TRPV3: variants seen among roughly 807,000 people sequenced by gnomAD.
TRPV3 encodes VRL-3.
In TRPV3, 88 loss-of-function variants were observed where a neutral mutation model predicts 87.1. That is an observed-to-expected ratio of 1.01 (90% CI 0.85 to 1.21). The LOEUF is 1.21. Among genes scored for constraint, TRPV3 ranks in the 50% most tolerant of loss-of-function variants. The pLI is 0.00. For missense variants in TRPV3, 1,054 were observed against 1,030.1 expected (o/e 1.02, Z -0.32); for synonymous variants, 438 against 423.3 (o/e 1.03, Z -0.43).
chr17:3,530,304 C>CCAGAGGTCT lies in TRPV3; in HGVS notation c.1066-102_1066-101insAGACCTCTG. On this transcript the variant is annotated intron_variant, in intron 8 of 17. Coordinates refer to ENST00000576742, the MANE Select transcript of TRPV3 (RefSeq NM_145068.4). The surrounding 1 kb of genome is among the most constrained non-coding windows in gnomAD (Gnocchi z 4.0). Reference sequence around the variant, plus strand: ...TGGCTGGGCCCAGGGGATACACCCGCCCAGAATGGGTGGAGACCTGCCTCT... The same window carrying CCAGAGGTCT: ...TGGCTGGGCCCAGGGGATACACCCGCCAGAGGTCTCCAGAATGGGTGGAGACCTGCCTCT... The CCAGAGGTCT allele has an allele frequency of 8.2e-7, 1 of 1,218,344 alleles. No homozygotes were observed. 75.5% of individuals were successfully genotyped at this position (1,218,344 alleles called of 1,614,324 possible).
intron 6 of TRPV3, among the ~76,000 whole-genome samples, chr17:3,542,251 C>G (rs1017096471): frequency 1.3e-5 from 2 of 152,240 alleles, no homozygotes; most frequent in African/African-American, 4.8e-5. Flanking sequence ...GCCACCACGC[C>G]CGGCCTTAGA....
At chr17:3,543,416 C>T (rs926708295) in intron 5 of TRPV3, 58 bp downstream of exon 5, 17 of 1,592,698 alleles carry the variant, frequency 1.1e-5, no homozygotes, top group Middle Eastern at 3.4e-4. Context: ...GGAAAATGGG[C>T]ACCAGAAGCC....
Position 3,528,918 on chromosome 17 carries a change from C to T in TRPV3, c.1320G>A (p.Met440Ile). 1 of 1,614,228 alleles carries T rather than the reference C, an allele frequency of 6.2e-7. No homozygotes were observed. Reference sequence around the variant, plus strand: ...AATAAAAGCAGAAGGACAGAAAGAACATGTGCTTGGCAAACTTCTTCCACT... The same window carrying T: ...AATAAAAGCAGAAGGACAGAAAGAATATGTGCTTGGCAAACTTCTTCCACT... Reference protein sequence around the residue: ...HMKWKKFAKHMFFLSFCFYFF... With the variant: ...HMKWKKFAKHIFFLSFCFYFF... Residue 440 changes from methionine (M) to isoleucine (I), a missense_variant, in exon 10 of 18, where the codon ATG becomes ATA. By Grantham distance (10) the Met-to-Ile change is conservative. Coordinates refer to ENST00000576742, the MANE Select transcript of TRPV3 (RefSeq NM_145068.4). The surrounding 1 kb of genome is among the most constrained non-coding windows in gnomAD (Gnocchi z 4.2).
intron 2 of TRPV3, among the ~76,000 whole-genome samples, chr17:3,549,838 G>A (rs2074557334): frequency 6.6e-6 from 1 of 151,506 alleles, no homozygotes; most frequent in African/African-American, 2.4e-5. Flanking sequence ...TGGATGAATA[G>A]ATGATTGATG....
chr17:3,519,916 G>A (rs2074230396), intron 14 of TRPV3, among the ~76,000 whole-genome samples: 1 of 147,688 alleles, frequency 6.8e-6, no homozygotes, highest in Non-Finnish European at 1.5e-5. Flanking sequence ...ATGGATGGAT[G>A]GATGGATGGA....
intron 15 of TRPV3, among the ~76,000 whole-genome samples, 186 bp from the exon 16 acceptor site, chr17:3,516,755 T>C (rs1390219476): frequency 1.3e-5 from 2 of 152,206 alleles, no homozygotes; most frequent in African/African-American, 4.8e-5. Context: ...ACACCTATAA[T>C]CCCAGCACTT....
In TRPV3 at chr17:3,556,140, G is replaced by A. The variant is rs929813934; in HGVS notation, c.-2-1288C>T. Among the ~76,000 whole-genome samples, 1 of 150,292 alleles carries A rather than the reference G, an allele frequency of 6.7e-6. No individual in the cohort carries two copies. The highest frequency in any genetic ancestry group is 2.4e-5 in the African/African-American group (1 of 40,870). ...TGGATTGAGCCGAGATTGTGCCACT[G>A]CACTCCAGCCTGGGCGACAGAGCGA... is the stretch of plus-strand genomic sequence containing the variant. On this transcript the variant is annotated intron_variant, in intron 1 of 17. Coordinates refer to ENST00000576742, the MANE Select transcript of TRPV3 (RefSeq NM_145068.4). The surrounding 1 kb of genome is among the most constrained non-coding windows in gnomAD (Gnocchi z 4.2).
Position 3,512,472 on chromosome 17 carries a change from A to C in TRPV3, c.*1445T>G, listed in dbSNP as rs2074126524. ...AGGCCCCGACTCTTCAGTTTGCCTCAAGCCAGATGAACTTATCTATCGCCA... is the reference window on the plus strand; with the variant it reads ...AGGCCCCGACTCTTCAGTTTGCCTCCAGCCAGATGAACTTATCTATCGCCA... On this transcript the variant is annotated 3_prime_UTR_variant, in exon 18 of 18. Coordinates refer to ENST00000576742, the MANE Select transcript of TRPV3 (RefSeq NM_145068.4). 6.6e-6 allele frequency: 1 copy of C among 152,260 alleles called. No homozygotes were observed. Among genetic ancestry groups the C allele is most frequent in the African/African-American group, 2.4e-5 (1 of 41,472 alleles). 9.4% of individuals were successfully genotyped at this position (152,260 alleles called of 1,614,324 possible). A position where few individuals can be genotyped will look rare whatever the true frequency, so the allele number is the denominator to read the frequency against.
intron 16 of TRPV3, among the ~76,000 whole-genome samples, chr17:3,515,616 G>A (rs191771458): frequency 1.1e-4 from 17 of 151,848 alleles, no homozygotes; most frequent in Admixed American, 8.5e-4. Context: ...AGCAGAGATC[G>A]CATCACTGCA....
chr17:3,545,883 G>A (rs772908177), intron 2 of TRPV3, among the ~76,000 whole-genome samples: 4 of 150,966 alleles, frequency 2.6e-5, no homozygotes, highest in Admixed American at 6.6e-5. Flanking sequence ...CCAGCTACTC[G>A]GGAGGCTGAG....
intron 9 of TRPV3, 60 bp downstream of exon 9, chr17:3,529,967 C>A: frequency 6.4e-7 from 1 of 1,556,006 alleles, no homozygotes; most frequent in Non-Finnish European, 8.7e-7. Flanking sequence ...TCCTCTCAGC[C>A]CCTGGCCTGA....
At chr17:3,555,760 T>A (rs1222088388) in intron 1 of TRPV3, among the ~76,000 whole-genome samples, 2 of 151,880 alleles carry the variant, frequency 1.3e-5, no homozygotes, top group East Asian at 3.9e-4. Context: ...CCTGGGAGGG[T>A]CAGGAGTGGC....
intron 12 of TRPV3, among the ~76,000 whole-genome samples, chr17:3,526,254 GATCACTT>G (rs1373297784): frequency 6.6e-6 from 1 of 152,166 alleles, no homozygotes; most frequent in African/African-American, 2.4e-5. Flanking sequence ...GAGGTGGGCA[GATCACTT>G]GAGGTCAGGA....
chr17:3,522,018 G>GT (rs1381882704), intron 13 of TRPV3, among the ~76,000 whole-genome samples: 1 of 152,220 alleles, frequency 6.6e-6, no homozygotes, highest in Admixed American at 6.5e-5. Context: ...AGGGGTTGCA[G>GT]TGAGCCTAGA....
intron 6 of TRPV3, 122 bp from the exon 7 acceptor site, chr17:3,535,835 GC>G: frequency 8.5e-7 from 1 of 1,172,508 alleles, no homozygotes; most frequent in Non-Finnish European, 1.1e-6. Flanking sequence ...GGTCTGTGTC[GC>G]CAGCTACCAG....
At chr17:3,527,998 T>C in intron 11 of TRPV3, 27 bp downstream of exon 11, 1 of 1,583,422 alleles carries the variant, frequency 6.3e-7, no homozygotes, top group Non-Finnish European at 8.7e-7. Context: ...CGCGGGGCGG[T>C]CTGGAAGGGC....
chr17:3,536,123 T>C (rs7223340), intron 6 of TRPV3, among the ~76,000 whole-genome samples: 17,621 of 152,204 alleles, frequency 0.12, 3,270 homozygotes, highest in African/African-American at 0.39. Flanking sequence ...CCTCAGAAGT[T>C]TAGCGAGGCG....
At chr17:3,536,837 C>T (rs1344262358) in intron 6 of TRPV3, among the ~76,000 whole-genome samples, 1 of 152,042 alleles carries the variant, frequency 6.6e-6, no homozygotes, top group Non-Finnish European at 1.5e-5. Context: ...TGCTGGAGAC[C>T]AGAGAACTTC....
intron 16 of TRPV3, among the ~76,000 whole-genome samples, chr17:3,515,799 A>G (rs149094034): frequency 1.7e-4 from 26 of 152,296 alleles, no homozygotes; most frequent in African/African-American, 6.0e-4. Flanking sequence ...AGGAACTCAC[A>G]CAGGGTAAAC....
Sources: allele counts gnomAD v4.1 joint callset (sites outside exome capture counted in the v4.1 genomes callset), GRCh38; gene constraint gnomAD v4.1.1; non-coding constraint Gnocchi (gnomAD v3.1); transcripts MANE v1.5; gene names NCBI Gene and HGNC (gene_info 2026-07-23, HGNC 2026-07-21).